Variants in ATP5F1A observed in about 807,000 individuals in gnomAD.
The protein encoded by ATP5F1A is ATP synthase F1 subunit alpha, also known as ATP synthase F(1) complex subunit alpha, mitochondrial.
ATP5F1A carries 24 observed loss-of-function variants against 57.4 expected under a neutral mutation model. The ratio of observed to expected loss-of-function variants is 0.42; its 90% CI spans 0.30 to 0.59. The LOEUF (loss-of-function observed/expected upper bound fraction) is 0.59. Ranked by LOEUF, ATP5F1A falls within the 20% of genes least tolerant of loss-of-function variation. ATP5F1A has a pLI of 0.19. For missense variants in ATP5F1A, 494 were observed against 707.9 expected (o/e 0.70, Z 3.43); for synonymous variants, 251 against 255.5 (o/e 0.98, Z 0.17).
At chr18:46,096,442 G>A (rs1272972987) in intron 1 of ATP5F1A, among the ~76,000 whole-genome samples, 1 of 136,970 alleles carries the variant, frequency 7.3e-6, no homozygotes, top group Non-Finnish European at 1.5e-5. Flanking sequence ...AGAGGTTGTG[G>A]TGAGCCAAGA....
In ATP5F1A at chr18:46,081,660, CAAAAAAAAAAAACAAAAAAAAAAAAA is replaced by C. The variant is rs1909744944; in HGVS notation, c.*2596_*2621del. On this transcript the variant is annotated 3_prime_UTR_variant, in exon 12 of 12. Transcript: ENST00000398752. ...GCCTGGGCAACAAGAGCAAAACTCT[CAAAAAAAAAAAACAAAAAAAAAAAAA>C]AAAAAAAAAAACGAAATGTGCAGAA... The C allele has an allele frequency of 1.4e-5, 1 of 73,974 alleles. No homozygotes were observed. The highest frequency in any genetic ancestry group is 4.7e-4 in the East Asian group (1 of 2,144). The allele number at this position is 73,974 out of a possible 1,614,324, so 4.6% of individuals were successfully genotyped here. A position where few individuals can be genotyped will look rare whatever the true frequency, so the allele number is the denominator to read the frequency against.
Position 46,086,198 on chromosome 18 carries a change from C to G in ATP5F1A, c.1344G>C (p.Gln448His), listed in dbSNP as rs1910082569. 3 of 1,612,844 alleles carry G rather than the reference C, an allele frequency of 1.9e-6. No individual in the cohort carries two copies. Among genetic ancestry groups the G allele is most frequent in the Non-Finnish European group, 2.5e-6 (3 of 1,180,040 alleles). Residue 448 changes from glutamine to histidine, a missense_variant, in exon 10 of 12, where the codon CAG becomes CAC. By Grantham distance (24) the Gln-to-His change is conservative. This residue lies in a region of ATP5F1A where 127 missense variants were observed against 195.2 expected (regional missense o/e 0.65). Coordinates refer to ENST00000398752, the MANE Select transcript of ATP5F1A (RefSeq NM_004046.6). ...TGGCAGCATCGAGGTCAGAACCGAA[C>G]TGGGCAAAAGCAGCAACCTCACGAT... ...AQYREVAAFA[Q>H]FGSDLDAATQ...
intron 9 of ATP5F1A, 37 bp downstream of exon 9, chr18:46,086,350 T>C: frequency 6.2e-7 from 1 of 1,612,758 alleles, no homozygotes; most frequent in Non-Finnish European, 8.5e-7. Context: ...GCTAATCTAA[T>C]GATAGCCCCC....
intron 6 of ATP5F1A, 158 bp downstream of exon 6, chr18:46,087,951 G>C (rs1228738151): frequency 6.9e-6 from 5 of 723,914 alleles, no homozygotes; most frequent in African/African-American, 3.6e-5. Flanking sequence ...ACCTTTAAAT[G>C]TACTACTGTT....
In ATP5F1A at chr18:46,103,610, C is replaced by CAAAA. The variant is rs71160711; in HGVS notation, c.-49+523_-49+526dup. Among the ~76,000 whole-genome samples the CAAAA allele has an allele frequency of 9.0e-4, 31 of 34,474 alleles. 2 individuals are homozygous for CAAAA. The highest frequency in any genetic ancestry group is 1.6e-3 in the Admixed American group (4 of 2,494). 22.6% of individuals were successfully genotyped at this position (34,474 alleles called of 152,430 possible). On this transcript the variant is annotated intron_variant, in intron 1 of 12. Transcript: ENST00000282050. ...AGCCTGAACAACAGAGACTCCATCT[C>CAAAA]AAAAAAAAAAAAAAAAAAAAAAAAG...
At chr18:46,087,736 C>T (rs1428145513) in intron 6 of ATP5F1A, 8 of 474,290 alleles carry the variant, frequency 1.7e-5, no homozygotes, top group East Asian at 4.0e-5. Flanking sequence ...AAAAATTAGC[C>T]GGACGTGGTG....
chr18:46,093,911 A>T (rs1033723485), intron 2 of ATP5F1A, among the ~76,000 whole-genome samples: 1 of 152,154 alleles, frequency 6.6e-6, no homozygotes, highest in Admixed American at 6.6e-5. Context: ...GTTCGAGACC[A>T]GCCTGGCTAA....
chr18:46,094,997 T>C (rs778169278), intron 2 of ATP5F1A, 56 bp downstream of exon 2: 48 of 1,542,056 alleles, frequency 3.1e-5, no homozygotes, highest in Non-Finnish European at 3.9e-5. Context: ...ATACGATGTA[T>C]GTAATTTATA....
intron 1 of ATP5F1A, chr18:46,104,032 A>G (rs1415208148): frequency 9.5e-6 from 2 of 210,946 alleles, no homozygotes; most frequent in Non-Finnish European, 1.9e-5. Context: ...TCAATGTGGA[A>G]GAAACACAAA....
At chr18:46,092,673 A>G (rs967227263) in intron 2 of ATP5F1A, among the ~76,000 whole-genome samples, 9 of 151,626 alleles carry the variant, frequency 5.9e-5, no homozygotes, top group African/African-American at 2.2e-4. Flanking sequence ...TTTAAAAGCT[A>G]TGAAAATAAA....
intron 5 of ATP5F1A, chr18:46,089,290 GC>G (rs1910367557): frequency 1.3e-5 from 5 of 396,004 alleles, no homozygotes; most frequent in Non-Finnish European, 1.8e-5. Flanking sequence ...GGAGGGGCTG[GC>G]CCCCTTCATC....
intron 2 of ATP5F1A, among the ~76,000 whole-genome samples, chr18:46,092,561 T>C (rs912429660): frequency 1.3e-5 from 2 of 151,348 alleles, no homozygotes; most frequent in African/African-American, 2.4e-5. Flanking sequence ...TAAGCCAAGA[T>C]TGTGTCACTG....
chr18:46,091,480 A>G (rs1910544390), intron 3 of ATP5F1A, among the ~76,000 whole-genome samples: 2 of 152,236 alleles, frequency 1.3e-5, no homozygotes, highest in South Asian at 2.1e-4. Context: ...AGTTATGTAT[A>G]AATCAGTCCC....
In ATP5F1A at chr18:46,084,260, T is replaced by C. The variant is rs762708147; in HGVS notation, c.*22A>G. 3 of 1,600,030 alleles carry C rather than the reference T, an allele frequency of 1.9e-6. No homozygotes were observed. The highest frequency in any genetic ancestry group is 1.1e-5 in the South Asian group (1 of 89,472). ...GAACAATGACAAAACTGAACTGGTA[T>C]TTGATGTGAATCCACAGGAGTTTAA... On this transcript the variant is annotated 3_prime_UTR_variant, in exon 12 of 12. Coordinates refer to ENST00000398752, the MANE Select transcript of ATP5F1A (RefSeq NM_004046.6).
intron 1 of ATP5F1A, among the ~76,000 whole-genome samples, chr18:46,096,982 C>T (rs1290468569): frequency 1.3e-5 from 1 of 75,190 alleles, no homozygotes; most frequent in African/African-American, 6.2e-5. Context: ...GACACCATCT[C>T]AAAAAAAAAA....
At chr18:46,097,974 G>A (rs925963149) in intron 1 of ATP5F1A, 198 bp downstream of exon 1, 3 of 1,408,548 alleles carry the variant, frequency 2.1e-6, no homozygotes, top group African/African-American at 1.5e-5. Flanking sequence ...TGTCTGCCCT[G>A]TACCATTCTG....
chr18:46,093,820 AAGG>A (rs1326813612), intron 2 of ATP5F1A, among the ~76,000 whole-genome samples: 1 of 151,812 alleles, frequency 6.6e-6, no homozygotes, highest in African/African-American at 2.4e-5. Flanking sequence ...TCTCAAAAAA[AAGG>A]AGGCCACGCA....
chr18:46,085,984 G>T, intron 10 of ATP5F1A, 129 bp downstream of exon 10: 8 of 983,644 alleles, frequency 8.1e-6, no homozygotes, highest in Non-Finnish European at 1.1e-5. Context: ...TTAAGTAAAA[G>T]TGCCTTTGAT....
chr18:46,095,144 T>C lies in ATP5F1A; in HGVS notation c.61-13A>G. Reference sequence around the variant, plus strand: ...CATTTCTGGAGACCTAGTGCAAAAGTATTCTTAAAAATTTGATTTTTAACA... The same window carrying C: ...CATTTCTGGAGACCTAGTGCAAAAGCATTCTTAAAAATTTGATTTTTAACA... On this transcript the variant is annotated splice_polypyrimidine_tract_variant and intron_variant, in intron 1 of 11. Transcript: ENST00000398752. The C allele has an allele frequency of 6.2e-7, 1 of 1,607,964 alleles. No homozygotes were observed. Among genetic ancestry groups the C allele is most frequent in the South Asian group, 1.1e-5 (1 of 90,084 alleles).
Sources: allele counts gnomAD v4.1 joint callset (sites outside exome capture counted in the v4.1 genomes callset), GRCh38; gene constraint gnomAD v4.1.1; regional missense constraint gnomAD v4.1.1; transcripts MANE v1.5; gene names NCBI Gene and HGNC (gene_info 2026-07-23, HGNC 2026-07-21).